The following PCM1 variants were observed in gnomAD, a reference collection of about 807,000 sequenced individuals.
PCM1 encodes pericentriolar material 1 protein.
Under a neutral mutation model 241.9 loss-of-function variants are expected in PCM1, and 157 were observed. The observed-to-expected ratio is 0.65, with a 90% CI of 0.57 to 0.74. The LOEUF (loss-of-function observed/expected upper bound fraction) is 0.74, where lower values mean the gene tolerates loss of function less well. PCM1 is among the 30% of genes least tolerant of loss of function. PCM1 has a pLI of 0.00. For synonymous variants in PCM1, 1,085 were observed against 784.9 expected, an observed-to-expected ratio of 1.38 and a Z score of -6.39; for missense variants, 3,478 against 2,360.1, an observed-to-expected ratio of 1.47 and a Z score of -9.81.
chr8:18,026,683 G>C (rs2129490315), intron 38 of PCM1, among the ~76,000 whole-genome samples: 1 of 152,048 alleles, frequency 6.6e-6, no homozygotes, highest in Admixed American at 6.5e-5. Flanking sequence ...TATGTATCTA[G>C]CCCTACCTCT....
chr8:17,985,687 G>C lies in PCM1; in HGVS notation c.4281+68G>C, dbSNP rs1013384666. 8.3e-7 allele frequency: 1 copy of C among 1,200,948 alleles called. No homozygotes were observed. The highest frequency in any genetic ancestry group is 1.5e-5 in the African/African-American group (1 of 66,058). 74.4% of individuals were successfully genotyped at this position (1,200,948 alleles called of 1,614,324 possible). On this transcript the variant is annotated intron_variant, in intron 25 of 38. Transcript: ENST00000325083. Reference sequence around the variant, plus strand: ...TTCTTCATGATTATCTCTGGTTGCTGTCTTAGACTGAAGCATGTGCCATAT... The same window carrying C: ...TTCTTCATGATTATCTCTGGTTGCTCTCTTAGACTGAAGCATGTGCCATAT...
intron 36 of PCM1, 57 bp downstream of exon 36, chr8:18,014,897 T>G (rs1163164332): frequency 1.6e-5 from 23 of 1,426,796 alleles, no homozygotes; most frequent in Non-Finnish European, 2.0e-5. Flanking sequence ...GCATATTTCT[T>G]CATTTTCAGA....
chr8:17,973,912 T>C (rs1429080914), intron 23 of PCM1, among the ~76,000 whole-genome samples: 1 of 152,148 alleles, frequency 6.6e-6, no homozygotes, highest in Non-Finnish European at 1.5e-5. Flanking sequence ...TTAATCACTT[T>C]TGGATAATGA....
chr8:17,936,404 T>C (rs565248782), intron 3 of PCM1, among the ~76,000 whole-genome samples: 4 of 152,298 alleles, frequency 2.6e-5, no homozygotes, highest in Non-Finnish European at 4.4e-5. Flanking sequence ...AATTTTCCAG[T>C]TGGATAAAGT....
chr8:18,025,456 AT>A lies in PCM1; in HGVS notation c.5934+6del. ...TGAAACTGACAATATATTCAGAGGT[AT>A]TTAGCTGTCTTTAATTAAACTTGTC... On this transcript the variant is annotated splice_donor_region_variant and intron_variant, in intron 37 of 38. Transcript: ENST00000325083. 1 of 1,560,122 alleles carries A rather than the reference AT, an allele frequency of 6.4e-7. No individual in the cohort carries two copies. Among genetic ancestry groups the A allele is most frequent in the Non-Finnish European group, 8.8e-7 (1 of 1,136,698 alleles).
intron 28 of PCM1, 66 bp from the exon 29 acceptor site, chr8:17,993,417 C>A: frequency 9.5e-7 from 1 of 1,051,552 alleles, no homozygotes; most frequent in Non-Finnish European, 1.3e-6. Flanking sequence ...CAAATTTCAA[C>A]ATAAAGGCAT....
chr8:17,954,427 CAAA>C (rs57686395), intron 9 of PCM1, among the ~76,000 whole-genome samples: 2 of 108,782 alleles, frequency 1.8e-5, no homozygotes. Flanking sequence ...AACTCCATCT[CAAA>C]AAAAAAAAAA....
intron 34 of PCM1, among the ~76,000 whole-genome samples, chr8:18,012,706 C>T (rs2092677275): frequency 6.6e-6 from 1 of 152,006 alleles, no homozygotes; most frequent in Admixed American, 6.5e-5. Flanking sequence ...TTATTACTGC[C>T]ACACCATTTT....
chr8:17,983,290 G>A, intron 24 of PCM1: 1 of 1,322,066 alleles, frequency 7.6e-7, no homozygotes, highest in East Asian at 4.1e-5. Flanking sequence ...GAAGCGCCAG[G>A]TAACAATCTG....
chr8:18,004,789 C>T (rs2090769503), intron 29 of PCM1, among the ~76,000 whole-genome samples: 1 of 152,160 alleles, frequency 6.6e-6, no homozygotes, highest in African/African-American at 2.4e-5. Flanking sequence ...TCACTTTCTT[C>T]TTTCTAGTAG....
At chr8:17,986,197 G>C in intron 26 of PCM1, 110 bp downstream of exon 26, 2 of 761,750 alleles carry the variant, frequency 2.6e-6, no homozygotes, top group South Asian at 3.5e-5. Flanking sequence ...TTGATTTTCA[G>C]CTTTTTTTAA....
At chr8:18,010,809 C>T (rs530611818) in intron 32 of PCM1, 141 bp downstream of exon 32, 61 of 582,902 alleles carry the variant, frequency 1.0e-4, no homozygotes, top group African/African-American at 7.2e-4. Context: ...GGTGAAACCC[C>T]GTCCATACTA....
chr8:17,943,558 C>T (rs112951048), intron 6 of PCM1, among the ~76,000 whole-genome samples: 3,015 of 152,154 alleles, frequency 0.02, 111 homozygotes, highest in African/African-American at 0.069. Context: ...AATTTAAAAA[C>T]CACTTTGCTG....
rs571791011 is a variant in PCM1, at chr8:18,016,733, T to TGA, written c.5841+1895_5841+1896dup. Reference sequence around the variant, plus strand: ...TCTGCTTATCCTCCTCTAATTATTCTGAGTCCACTAACCCATTTGTTCAGT... The same window carrying TGA: ...TCTGCTTATCCTCCTCTAATTATTCTGAGAGTCCACTAACCCATTTGTTCAGT... On this transcript the variant is annotated intron_variant, in intron 36 of 38. Transcript: ENST00000325083. Among the ~76,000 whole-genome samples the TGA allele has an allele frequency of 3.4e-3, 517 of 152,356 alleles. 3 individuals carry two copies. The highest frequency in any genetic ancestry group is 0.01 in the Middle Eastern group (3 of 294).
At position 17,992,139 on chromosome 8, in the gene PCM1, C is replaced by G. The variant is rs182642263; in HGVS notation, c.4690+439C>G. 4.6e-5 allele frequency among the ~76,000 whole-genome samples: 7 copies of G among 152,234 alleles called. No individual in the cohort carries two copies. The East Asian group carries it at 9.7e-4, about 21-fold the overall frequency. On this transcript the variant is annotated intron_variant, in intron 28 of 38. Transcript: ENST00000325083. ...ATATACCACATTTTCTTTATCCGCTCGTTGATTGATGGACATTTGGACTGG... is the reference window on the plus strand; with the variant it reads ...ATATACCACATTTTCTTTATCCGCTGGTTGATTGATGGACATTTGGACTGG...
intron 8 of PCM1, among the ~76,000 whole-genome samples, chr8:17,951,022 C>A (rs980457656): frequency 1.3e-5 from 2 of 152,274 alleles, no homozygotes; most frequent in Non-Finnish European, 2.9e-5. Flanking sequence ...TACTGGATGA[C>A]GTATTCTTTT....
intron 18 of PCM1, 149 bp from the exon 19 acceptor site, chr8:17,965,850 C>T: frequency 1.8e-6 from 1 of 567,296 alleles, no homozygotes; most frequent in Non-Finnish European, 3.1e-6. Context: ...ATCTGGACTT[C>T]TCCCCCCTCT....
At chr8:18,023,628 A>G (rs541113411) in intron 36 of PCM1, among the ~76,000 whole-genome samples, 2 of 152,272 alleles carry the variant, frequency 1.3e-5, no homozygotes, top group East Asian at 3.9e-4. Context: ...AATTTTTTTT[A>G]TCAGATAAGC....
chr8:18,002,788 C>T (rs1193790482), intron 29 of PCM1, among the ~76,000 whole-genome samples: 1 of 129,314 alleles, frequency 7.7e-6, no homozygotes, highest in Non-Finnish European at 1.5e-5. Context: ...GAGATGATAT[C>T]TCATAGTGGT....
Sources: gnomAD v4.1 joint callset for allele counts (sites outside exome capture counted in the v4.1 genomes callset) on GRCh38, gnomAD v4.1.1 for gene constraint, MANE v1.5 for transcripts, NCBI Gene and HGNC (gene_info 2026-07-23, HGNC 2026-07-21) for gene names.